The following ANKRD36C variants were observed in gnomAD, a reference collection of about 807,000 sequenced individuals.
The protein encoded by ANKRD36C is ankyrin repeat domain-containing protein 36C.
In ANKRD36C, 61 loss-of-function variants were observed where a neutral mutation model predicts 276.4. The observed-to-expected ratio is 0.22, with a 90% CI of 0.18 to 0.27. The LOEUF (loss-of-function observed/expected upper bound fraction) is 0.27, where lower values mean the gene tolerates loss of function less well. Among genes scored for constraint, ANKRD36C ranks in the 10% least tolerant of loss-of-function variants. ANKRD36C has a pLI of 1.00. For missense variants in ANKRD36C, 1,447 were observed against 2,032.3 expected (o/e 0.71, Z 5.54); for synonymous variants, 483 against 680.1 (o/e 0.71, Z 4.51).
intron 59 of ANKRD36C, among the ~76,000 whole-genome samples, chr2:95,874,717 G>A (rs1005249691): frequency 3.9e-5 from 6 of 152,146 alleles, no homozygotes; most frequent in Admixed American, 1.3e-4. Flanking sequence ...CACAGCAAAA[G>A]AAACTACCAT....
Position 95,926,914 on chromosome 2 carries a change from A to T in ANKRD36C, c.1939+300T>A, listed in dbSNP as rs571612935. Among the ~76,000 whole-genome samples, 4 of 151,486 alleles carry T rather than the reference A, an allele frequency of 2.6e-5. No individual in the cohort carries two copies. In the East Asian group the frequency reaches 7.8e-4, roughly 30 times the overall value. Reference sequence around the variant, plus strand: ...CTATACTTCATCTCTTTCTCCATCCACCCTTGGTGAAAACATGCTGTAGAA... The same window carrying T: ...CTATACTTCATCTCTTTCTCCATCCTCCCTTGGTGAAAACATGCTGTAGAA... On this transcript the variant is annotated intron_variant, in intron 28 of 66. Transcript: ENST00000456556.
At chr2:95,879,907 A>G (rs1189871625) in intron 58 of ANKRD36C, among the ~76,000 whole-genome samples, 3 of 144,186 alleles carry the variant, frequency 2.1e-5, no homozygotes, top group African/African-American at 7.8e-5. Flanking sequence ...TAGGCCAGGC[A>G]TGGTGGTTCA....
chr2:95,962,466 T>A (rs372016738), intron 7 of ANKRD36C, 42 bp from the exon 8 acceptor site: 14 of 1,591,544 alleles, frequency 8.8e-6, no homozygotes, highest in Non-Finnish European at 1.1e-5. Context: ...CGTAAAGTAT[T>A]TTTCACAGAC....
chr2:95,852,635 G>A (rs1275453897), intron 64 of ANKRD36C: 4 of 155,750 alleles, frequency 2.6e-5, no homozygotes, highest in Non-Finnish European at 4.3e-5. Flanking sequence ...ATTACATCAG[G>A]CTAAGCATTT....
intron 42 of ANKRD36C, among the ~76,000 whole-genome samples, chr2:95,911,449 A>G (rs1187951431): frequency 1.3e-5 from 2 of 151,492 alleles, no homozygotes; most frequent in Non-Finnish European, 1.5e-5. Flanking sequence ...TTATTTTCTA[A>G]AGAAGTTTCA....
intron 30 of ANKRD36C, among the ~76,000 whole-genome samples, chr2:95,924,438 C>T (rs1677353411): frequency 6.6e-6 from 1 of 151,550 alleles, no homozygotes; most frequent in African/African-American, 2.4e-5. Flanking sequence ...TATTAATAAA[C>T]TTTTACGTTT....
intron 58 of ANKRD36C, 35 bp from the exon 79 acceptor site, chr2:95,876,547 A>C: frequency 6.3e-7 from 1 of 1,582,232 alleles, no homozygotes; most frequent in Non-Finnish European, 8.6e-7. Context: ...AAAATGAGCT[A>C]CACAGAACAG....
chr2:95,940,152 G>A (rs1217039942), intron 20 of ANKRD36C, among the ~76,000 whole-genome samples: 1 of 152,188 alleles, frequency 6.6e-6, no homozygotes, highest in Non-Finnish European at 1.5e-5. Context: ...CCTAGTAGCT[G>A]GGACTACAGG....
intron 36 of ANKRD36C, among the ~76,000 whole-genome samples, chr2:95,917,594 A>C (rs1240021375): frequency 6.6e-6 from 1 of 151,482 alleles, no homozygotes; most frequent in Non-Finnish European, 1.5e-5. Flanking sequence ...AGAGCCCCTT[A>C]TGTCTTGAAC....
In ANKRD36C at chr2:95,911,799, C is replaced by T. The variant is rs139672837; in HGVS notation, c.2653+445G>A. 9.1e-3 allele frequency among the ~76,000 whole-genome samples: 1,379 copies of T among 151,504 alleles called. 22 individuals carry two copies. The highest frequency in any genetic ancestry group is 8.7e-3 in the Admixed American group (132 of 15,206). On this transcript the variant is annotated intron_variant, in intron 42 of 66. Coordinates refer to ENST00000456556, the Ensembl canonical transcript of ANKRD36C. Reference sequence around the variant, plus strand: ...TCCTGCCTCACAATCCGTCTTCATTCGGAAATTAATTGCTACATCAGGGGT... The same window carrying T: ...TCCTGCCTCACAATCCGTCTTCATTTGGAAATTAATTGCTACATCAGGGGT...
At position 95,889,376 on chromosome 2, in the gene ANKRD36C, C is replaced by G. The variant is rs575857555; in HGVS notation, c.2959+423G>C. ...GGAAAATAATTGCTACATCACTGCT[C>G]TTGTTACTTCTCATTCTACAGTGTT... On this transcript the variant is annotated intron_variant, in intron 48 of 66. Transcript: ENST00000456556. Among the ~76,000 whole-genome samples the G allele has an allele frequency of 2.6e-5, 4 of 151,698 alleles. No individual in the cohort carries two copies. In the South Asian group the frequency reaches 8.3e-4, roughly 31 times the overall value.
chr2:95,911,966 A>C (rs1459016057), intron 42 of ANKRD36C, among the ~76,000 whole-genome samples: 1 of 151,476 alleles, frequency 6.6e-6, no homozygotes, highest in Admixed American at 6.6e-5. Context: ...CTACAGAATT[A>C]AAGCAAAACT....
At chr2:95,869,296 G>T (rs2104291503) in intron 59 of ANKRD36C, among the ~76,000 whole-genome samples, 1 of 152,112 alleles carries the variant, frequency 6.6e-6, no homozygotes, top group Non-Finnish European at 1.5e-5. Context: ...ATTTGTCACT[G>T]TTTGTTTGGA....
chr2:95,981,836 C>G (rs1248278577), intron 4 of ANKRD36C, among the ~76,000 whole-genome samples: 3 of 152,000 alleles, frequency 2.0e-5, no homozygotes, highest in Admixed American at 6.6e-5. Context: ...CTCCCCCTCC[C>G]CATATCAATT....
At chr2:95,897,755 T>A (rs1179875986) in intron 44 of ANKRD36C, among the ~76,000 whole-genome samples, 247 of 143,602 alleles carry the variant, frequency 1.7e-3, no homozygotes, top group East Asian at 2.4e-3. Flanking sequence ...AGTGATGAGG[T>A]CAAAGTGATC....
In ANKRD36C at chr2:95,856,299, T is replaced by A. The variant is rs1675410473; in HGVS notation, c.4081-119A>T. On this transcript the variant is annotated intron_variant, in intron 62 of 66. Transcript: ENST00000456556. ...AATGAGAGGTTGCCATAACTGGATATCTAACTGGGAAAAAAGAAGTTGAGT... is the reference window on the plus strand; with the variant it reads ...AATGAGAGGTTGCCATAACTGGATAACTAACTGGGAAAAAAGAAGTTGAGT... The A allele has an allele frequency of 2.0e-6, 3 of 1,529,628 alleles. No homozygotes were observed. The South Asian group carries it at 3.8e-5, about 19-fold the overall frequency. The allele number at this position is 1,529,628 out of a possible 1,614,324, so 94.8% of individuals were successfully genotyped here.
Position 95,892,898 on chromosome 2 carries a change from G to C in ANKRD36C, c.2756-1038C>G, listed in dbSNP as rs188546375. Among the ~76,000 whole-genome samples the C allele has an allele frequency of 2.5e-3, 377 of 151,316 alleles. 2 individuals carry two copies. Among genetic ancestry groups the C allele is most frequent in the African/African-American group, 8.8e-3 (364 of 41,402 alleles). On this transcript the variant is annotated intron_variant, in intron 44 of 66. Coordinates refer to ENST00000456556, the Ensembl canonical transcript of ANKRD36C. ...TAACAAAGAGGAGTAATGAGTCAGTGTGTTTTTATGCCAATTCTAGGATTG... is the reference window on the plus strand; with the variant it reads ...TAACAAAGAGGAGTAATGAGTCAGTCTGTTTTTATGCCAATTCTAGGATTG...
chr2:95,941,823 A>G (rs1418865234), intron 19 of ANKRD36C, among the ~76,000 whole-genome samples: 1 of 152,258 alleles, frequency 6.6e-6, no homozygotes, highest in African/African-American at 2.4e-5. Context: ...CATGGGGAGA[A>G]GAGAGAAACA....
At position 95,878,860 on chromosome 2, in the gene ANKRD36C, G is replaced by T. The variant is rs1249143030; in HGVS notation, c.3469+1567C>A. Among the ~76,000 whole-genome samples the T allele has an allele frequency of 2.6e-5, 4 of 152,066 alleles. No individual in the cohort carries two copies. The East Asian group carries it at 5.8e-4, about 22-fold the overall frequency. On this transcript the variant is annotated intron_variant, in intron 58 of 66. Coordinates refer to ENST00000456556, the Ensembl canonical transcript of ANKRD36C. ...AGCAGAACCCTCGTACACCATTGGT[G>T]GCATTATGAATTAGTACAGCCACTA...
Sources: allele counts gnomAD v4.1 joint callset (sites outside exome capture counted in the v4.1 genomes callset), GRCh38; gene constraint gnomAD v4.1.1; transcripts MANE v1.5; gene names NCBI Gene and HGNC (gene_info 2026-07-23, HGNC 2026-07-21).